Variants in MYO5A observed in about 807,000 individuals in gnomAD.
MYO5A encodes unconventional myosin-Va.
Under a neutral mutation model 249.7 loss-of-function variants are expected in MYO5A, and 98 were observed. The observed-to-expected ratio is 0.39, with a 90% confidence interval of 0.33 to 0.46. The LOEUF (loss-of-function observed/expected upper bound fraction) is 0.46, where lower values mean the gene tolerates loss of function less well. Among genes scored for constraint, MYO5A ranks in the 20% least tolerant of loss-of-function variants. The pLI, the probability that MYO5A is intolerant of heterozygous loss-of-function variation, is 0.98. For synonymous variants in MYO5A, 778 were observed against 810.6 expected, an observed-to-expected ratio of 0.96 and a Z score of 0.68; for missense variants, 1,696 against 2,308.8, an observed-to-expected ratio of 0.73 and a Z score of 5.44.
intron 18 of MYO5A, among the ~76,000 whole-genome samples, chr15:52,378,514 T>TGAAAAAAAA (rs2041550952): frequency 4.3e-4 from 1 of 2,330 alleles, no homozygotes; most frequent in African/African-American, 4.7e-4. Flanking sequence ...CAAGACTGTC[T>TGAAAAAAAA]CAAAAAAAAA....
At chr15:52,382,521 A>C (rs548021840) in intron 16 of MYO5A, among the ~76,000 whole-genome samples, 3 of 152,336 alleles carry the variant, frequency 2.0e-5, no homozygotes, top group East Asian at 1.9e-4. Context: ...CGGTAAGCCG[A>C]GATCGCGTTA....
rs1296598028 is a variant in MYO5A at position 52,408,063 on chromosome 15, T to C, written c.834A>G (p.Arg278=). 1 of 1,572,068 alleles carries C rather than the reference T, an allele frequency of 6.4e-7. No homozygotes were observed. Among genetic ancestry groups the C allele is most frequent in the Admixed American group, 1.7e-5 (1 of 59,918 alleles). ...AATTTAATGCCATATTCATACCTAA[T>C]CGTAGCATTTTAAATTCAGGTAACT... ...SAKLPEFKML[R]LGNADNFNYT... Residue 278 remains arginine, a synonymous_variant, in exon 7 of 42, where the codon CGA becomes CGG. Coordinates refer to ENST00000399233, the MANE Select transcript of MYO5A (RefSeq NM_001382347.1).
intron 4 of MYO5A, among the ~76,000 whole-genome samples, chr15:52,421,974 T>C (rs2043814561): frequency 6.6e-6 from 1 of 152,162 alleles, no homozygotes; most frequent in Non-Finnish European, 1.5e-5. Flanking sequence ...TCACTCACAG[T>C]GGAGAGAAAA....
At chr15:52,372,075 G>T in intron 21 of MYO5A, 49 bp downstream of exon 21, 1 of 1,611,922 alleles carries the variant, frequency 6.2e-7, no homozygotes, top group South Asian at 1.1e-5. Flanking sequence ...TAATCCTGGT[G>T]GATTTCTTCA....
chr15:52,493,945 T>C (rs983259498), intron 1 of MYO5A, among the ~76,000 whole-genome samples: 5 of 152,196 alleles, frequency 3.3e-5, no homozygotes, highest in African/African-American at 1.2e-4. Flanking sequence ...TTTTAGCTTG[T>C]ATCATACAAG....
At chr15:52,362,300 T>C (rs943896309) in intron 24 of MYO5A, among the ~76,000 whole-genome samples, 1 of 152,196 alleles carries the variant, frequency 6.6e-6, no homozygotes, top group African/African-American at 2.4e-5. Context: ...AAATGCTTCA[T>C]TAGCTCTGGA....
chr15:52,482,079 G>A (rs894441265), intron 1 of MYO5A, among the ~76,000 whole-genome samples: 1 of 152,172 alleles, frequency 6.6e-6, no homozygotes, highest in African/African-American at 2.4e-5. Context: ...TTATATTCTT[G>A]TGACCACAAG....
intron 1 of MYO5A, among the ~76,000 whole-genome samples, chr15:52,508,311 C>T (rs538334763): frequency 6.6e-6 from 1 of 151,254 alleles, no homozygotes; most frequent in East Asian, 1.9e-4. Flanking sequence ...TCAGATAATC[C>T]AAGTGGATTT....
intron 1 of MYO5A, among the ~76,000 whole-genome samples, chr15:52,508,558 T>A (rs1451036356): frequency 2.0e-5 from 3 of 152,184 alleles, no homozygotes; most frequent in Non-Finnish European, 4.4e-5. Context: ...CATAGCACAC[T>A]GGCCAAGATT....
intron 1 of MYO5A, among the ~76,000 whole-genome samples, chr15:52,449,770 G>A (rs566564218): frequency 6.6e-6 from 1 of 152,200 alleles, no homozygotes; most frequent in South Asian, 2.1e-4. Flanking sequence ...GAAGCCAAAG[G>A]AGGAGGACTG....
At chr15:52,452,593 C>T (rs1206732835) in intron 1 of MYO5A, among the ~76,000 whole-genome samples, 2 of 152,082 alleles carry the variant, frequency 1.3e-5, no homozygotes, top group South Asian at 2.1e-4. Flanking sequence ...GAGGTATATT[C>T]CATAATTCCC....
intron 5 of MYO5A, among the ~76,000 whole-genome samples, chr15:52,411,036 T>G (rs1484720647): frequency 6.6e-6 from 1 of 152,256 alleles, no homozygotes; most frequent in East Asian, 1.9e-4. Flanking sequence ...ACTCAGAGGT[T>G]AGAATATTTT....
At chr15:52,508,348 T>C (rs984018225) in intron 1 of MYO5A, among the ~76,000 whole-genome samples, 1 of 139,826 alleles carries the variant, frequency 7.2e-6, no homozygotes, top group Non-Finnish European at 1.6e-5. Flanking sequence ...AAAACTTTGA[T>C]AAAATTACAA....
intron 18 of MYO5A, among the ~76,000 whole-genome samples, chr15:52,376,997 T>G (rs537649831): frequency 6.6e-6 from 1 of 152,308 alleles, no homozygotes; most frequent in South Asian, 2.1e-4. Context: ...GAAACGTTTA[T>G]GAAATAAAAT....
intron 31 of MYO5A, among the ~76,000 whole-genome samples, chr15:52,342,863 C>T (rs1401079491): frequency 6.6e-6 from 1 of 151,604 alleles, no homozygotes; most frequent in Non-Finnish European, 1.5e-5. Flanking sequence ...TTGCAGTGAG[C>T]TGAGATCGCA....
At chr15:52,517,440 T>C (rs2077517661) in intron 1 of MYO5A, among the ~76,000 whole-genome samples, 1 of 152,214 alleles carries the variant, frequency 6.6e-6, no homozygotes, top group South Asian at 2.1e-4. Context: ...ATCCCAGCAC[T>C]TTGGGAATCT....
chr15:52,328,359 T>C (rs187451920), intron 35 of MYO5A, among the ~76,000 whole-genome samples: 24 of 152,332 alleles, frequency 1.6e-4, no homozygotes, highest in African/African-American at 5.5e-4. Flanking sequence ...GTCCCCATCT[T>C]AGTAAATAAA....
At chr15:52,456,954 A>G (rs551085745) in intron 1 of MYO5A, among the ~76,000 whole-genome samples, 1 of 152,338 alleles carries the variant, frequency 6.6e-6, no homozygotes, top group African/African-American at 2.4e-5. Flanking sequence ...AAAAATAGAC[A>G]AGCAGGACTA....
At chr15:52,493,695 C>T (rs1457735145) in intron 1 of MYO5A, among the ~76,000 whole-genome samples, 2 of 151,966 alleles carry the variant, frequency 1.3e-5, no homozygotes, top group Non-Finnish European at 2.9e-5. Flanking sequence ...TTCTTTAGCA[C>T]TGATACTTGC....
Sources: gnomAD v4.1 joint callset for allele counts (sites outside exome capture counted in the v4.1 genomes callset) on GRCh38, gnomAD v4.1.1 for gene constraint, MANE v1.5 for transcripts, NCBI Gene and HGNC (gene_info 2026-07-23, HGNC 2026-07-21) for gene names.